GNG7: variants seen among roughly 807,000 people sequenced by gnomAD.
GNG7 encodes the protein guanine nucleotide-binding protein G(I)/G(S)/G(O) subunit gamma-7.
Under a neutral mutation model 4.0 loss-of-function variants are expected in GNG7, and 1 was observed. The ratio of observed to expected loss-of-function variants is 0.25; its 90% CI spans 0.09 to 1.18. GNG7 has a LOEUF of 1.18. GNG7 is among the 50% of genes most tolerant of loss of function. The probability of loss-of-function intolerance (pLI) is 0.50; values close to 1 mark genes in which losing one functional copy is unlikely to be tolerated. For missense variants in GNG7, 86 were observed against 91.9 expected (o/e 0.94, Z 0.26); for synonymous variants, 34 against 36.9 (o/e 0.92, Z 0.29).
intron 1 of GNG7, among the ~76,000 whole-genome samples, chr19:2,680,274 C>A (rs191367852): frequency 1.3e-5 from 2 of 151,512 alleles, no homozygotes; most frequent in Non-Finnish European, 2.9e-5. Flanking sequence ...TTAGCCTCCC[C>A]GAGTAACTGG....
rs868377612 is a variant in GNG7, at chr19:2,637,809, A to G, written c.-78+8415T>C. ...AGCATCCCTCCATCATGACAATTAC[A>G]GATGTCCCCTGGAGGCAGAATCACC... On this transcript the variant is annotated intron_variant, in intron 2 of 4. Coordinates refer to ENST00000382159, the MANE Select transcript of GNG7 (RefSeq NM_052847.3). 2.6e-5 allele frequency among the ~76,000 whole-genome samples: 4 copies of G among 150,954 alleles called. No homozygotes were observed. In the South Asian group the frequency reaches 6.3e-4, roughly 24 times the overall value.
chr19:2,665,100 G>T (rs193007220), intron 1 of GNG7, among the ~76,000 whole-genome samples: 5 of 151,310 alleles, frequency 3.3e-5, no homozygotes, highest in Non-Finnish European at 3.0e-5. Flanking sequence ...ACGAGCTGGG[G>T]TCCCCTGGTT....
At chr19:2,621,991 C>T (rs576946611) in intron 2 of GNG7, among the ~76,000 whole-genome samples, 44 of 152,216 alleles carry the variant, frequency 2.9e-4, no homozygotes, top group African/African-American at 1.0e-3. Context: ...GCTCGTCTGC[C>T]CCTTTTCTCT....
intron 3 of GNG7, among the ~76,000 whole-genome samples, chr19:2,531,665 G>A (rs558115084): frequency 6.0e-5 from 9 of 151,064 alleles, no homozygotes; most frequent in South Asian, 2.1e-4. Flanking sequence ...CAGCTACTCC[G>A]GAGGCTGAGG....
chr19:2,618,862 C>T lies in GNG7; in HGVS notation c.-78+27362G>A, dbSNP rs956239795. Among the ~76,000 whole-genome samples the T allele has an allele frequency of 7.9e-5, 12 of 152,192 alleles. No homozygotes were observed. The highest frequency in any genetic ancestry group is 5.8e-4 in the East Asian group (3 of 5,178). ...TCAGCTTCCCTCAGTTTTCCCCTCA[C>T]GACCTTTCCTGCCCCATTGTGACCC... On this transcript the variant is annotated intron_variant, in intron 2 of 4. Coordinates refer to ENST00000382159, the MANE Select transcript of GNG7 (RefSeq NM_052847.3). The surrounding 1 kb of genome is among the most constrained non-coding windows in gnomAD (Gnocchi z 5.1).
At chr19:2,558,093 G>A (rs935369154) in intron 2 of GNG7, among the ~76,000 whole-genome samples, 12 of 151,688 alleles carry the variant, frequency 7.9e-5, no homozygotes, top group African/African-American at 1.5e-4. Flanking sequence ...CGCCCACCTC[G>A]GCCTCCGAAA....
intron 1 of GNG7, among the ~76,000 whole-genome samples, chr19:2,663,753 G>A (rs1983236578): frequency 6.6e-6 from 1 of 152,168 alleles, no homozygotes; most frequent in Admixed American, 6.5e-5. Flanking sequence ...AAATTATCAA[G>A]ATATGCATGC....
chr19:2,686,134 C>T (rs8111958), intron 1 of GNG7, among the ~76,000 whole-genome samples: 1,887 of 151,946 alleles, frequency 0.012, 37 homozygotes, highest in African/African-American at 0.043. Context: ...GGCAGTTTCC[C>T]AGCCGTGTGT....
intron 1 of GNG7, among the ~76,000 whole-genome samples, chr19:2,666,722 A>G (rs1183159036): frequency 1.3e-5 from 2 of 152,236 alleles, no homozygotes; most frequent in African/African-American, 4.8e-5. Context: ...GCAGCTACAC[A>G]GTTCTGCTGT....
chr19:2,600,052 G>C (rs1339226142), intron 2 of GNG7, among the ~76,000 whole-genome samples: 1 of 151,614 alleles, frequency 6.6e-6, no homozygotes, highest in Non-Finnish European at 1.5e-5. Context: ...TCTCAATAAA[G>C]CTGTCATATA....
In GNG7 at chr19:2,571,479, T is replaced by C. The variant is rs114522773; in HGVS notation, c.-77-16291A>G. ...CCTGCAGAGGCGTGGTTAGGCCACG[T>C]TGCATTTCTAGGATGGGTAGCGTGC... On this transcript the variant is annotated intron_variant, in intron 2 of 4. Coordinates refer to ENST00000382159, the MANE Select transcript of GNG7 (RefSeq NM_052847.3). Among the ~76,000 whole-genome samples the C allele has an allele frequency of 7.8e-3, 1,185 of 152,108 alleles. 24 individuals carry two copies. The highest frequency in any genetic ancestry group is 0.027 in the African/African-American group (1,104 of 41,506).
Position 2,546,174 on chromosome 19 carries a change from G to A in GNG7, c.-38+8975C>T, listed in dbSNP as rs1310306584. On this transcript the variant is annotated intron_variant, in intron 3 of 4. Coordinates refer to ENST00000382159, the MANE Select transcript of GNG7 (RefSeq NM_052847.3). This position sits in a 1 kb window ranked among gnomAD's most constrained non-coding sequence, Gnocchi z 6.3. ...AGAGCCCGGGGAGCCCGACTGAAAT[G>A]GAAACTTCAATACAAGAGACAGGTC... Among the ~76,000 whole-genome samples, 1 of 152,212 alleles carries A rather than the reference G, an allele frequency of 6.6e-6. No homozygotes were observed. Among genetic ancestry groups the A allele is most frequent in the East Asian group, 1.9e-4 (1 of 5,192 alleles).
intron 1 of GNG7, among the ~76,000 whole-genome samples, chr19:2,650,126 G>A (rs1043125151): frequency 3.3e-5 from 5 of 150,894 alleles, no homozygotes; most frequent in South Asian, 2.1e-4. Context: ...CAATCGGCTC[G>A]TTCCTTCTTG....
At chr19:2,623,210 C>T (rs1981929407) in intron 2 of GNG7, among the ~76,000 whole-genome samples, 1 of 152,194 alleles carries the variant, frequency 6.6e-6, no homozygotes. Context: ...GTCCCAGCTA[C>T]TTTGGAGGCT....
At chr19:2,641,011 TAAGTC>T (rs1982490953) in intron 2 of GNG7, among the ~76,000 whole-genome samples, 1 of 152,018 alleles carries the variant, frequency 6.6e-6, no homozygotes, top group African/African-American at 2.4e-5. Flanking sequence ...TTGAGAAACT[TAAGTC>T]TATGAAATGA....
At chr19:2,674,818 A>C (rs1194848855) in intron 1 of GNG7, among the ~76,000 whole-genome samples, 2 of 152,304 alleles carry the variant, frequency 1.3e-5, no homozygotes, top group Non-Finnish European at 2.9e-5. Flanking sequence ...AGATCTCCTT[A>C]TGTGATGGTC....
At chr19:2,635,142 A>AC (rs899153418) in intron 2 of GNG7, among the ~76,000 whole-genome samples, 9 of 152,088 alleles carry the variant, frequency 5.9e-5, no homozygotes, top group Non-Finnish European at 1.0e-4. Context: ...TGCCAGGGGC[A>AC]CCCCCCAGTC....
Position 2,617,756 on chromosome 19 carries a change from T to C in GNG7, c.-78+28468A>G, listed in dbSNP as rs1981760997. On this transcript the variant is annotated intron_variant, in intron 2 of 4. Transcript: ENST00000382159. The surrounding 1 kb of genome is among the most constrained non-coding windows in gnomAD (Gnocchi z 4.7). ...TTTTTTGAGATAGGGTCTTGCTCTG[T>C]TGCCCAGGCTGGAGTGCAGTGGTGC... 6.6e-6 allele frequency among the ~76,000 whole-genome samples: 1 copy of C among 151,942 alleles called. No individual in the cohort carries two copies. Among genetic ancestry groups the C allele is most frequent in the Non-Finnish European group, 1.5e-5 (1 of 67,986 alleles).
chr19:2,696,820 C>A (rs547226098), intron 1 of GNG7, among the ~76,000 whole-genome samples: 2 of 152,122 alleles, frequency 1.3e-5, no homozygotes, highest in South Asian at 4.1e-4. Flanking sequence ...GGTGGAGAGT[C>A]CCCCTCATGG....
Sources: allele counts gnomAD v4.1 joint callset (sites outside exome capture counted in the v4.1 genomes callset), GRCh38; gene constraint gnomAD v4.1.1; non-coding constraint Gnocchi (gnomAD v3.1); transcripts MANE v1.5; gene names NCBI Gene and HGNC (gene_info 2026-07-23, HGNC 2026-07-21).